Variants in GOSR1 observed in about 807,000 individuals in gnomAD.
The protein encoded by GOSR1 is 28 kDa Golgi SNARE protein.
A neutral mutation model predicts 35.5 loss-of-function variants in GOSR1; 21 were observed. The ratio of observed to expected loss-of-function variants is 0.59; its 90% confidence interval spans 0.42 to 0.85. The LOEUF is 0.85. GOSR1 is among the 40% of genes least tolerant of loss of function. The pLI is 0.00. For synonymous variants in GOSR1, 94 were observed against 106.6 expected, an observed-to-expected ratio of 0.88 and a Z score of 0.73; for missense variants, 285 against 309.6, an observed-to-expected ratio of 0.92 and a Z score of 0.60.
rs1304531539 is a variant in GOSR1, at chr17:30,513,232, A to G, written c.539+2323A>G. Among the ~76,000 whole-genome samples the G allele has an allele frequency of 3.9e-5, 6 of 152,214 alleles. No individual in the cohort carries two copies. The South Asian group carries it at 1.0e-3, about 26-fold the overall frequency. ...AAGAACTAGCATTTTTAACATTTAT[A>G]AATTCATTTCTAACCTTTAAATGTA... On this transcript the variant is annotated intron_variant, in intron 7 of 8. Transcript: ENST00000451249.
intron 8 of GOSR1, among the ~76,000 whole-genome samples, chr17:30,521,480 G>T (rs1288042437): frequency 6.6e-6 from 1 of 151,298 alleles, no homozygotes; most frequent in African/African-American, 2.4e-5. Context: ...ACCCTGCCCA[G>T]CCCAACACTA....
In GOSR1 at chr17:30,524,266, A is replaced by G. The variant is rs564336475; in HGVS notation, c.*1888A>G. Reference sequence around the variant, plus strand: ...CTTGTCCTCTTATTTTACACTCATAATGAGAAATCACAAGTTCTTTCTTGA... The same window carrying G: ...CTTGTCCTCTTATTTTACACTCATAGTGAGAAATCACAAGTTCTTTCTTGA... On this transcript the variant is annotated 3_prime_UTR_variant, in exon 9 of 9. Coordinates refer to ENST00000451249, the MANE Select transcript of GOSR1 (RefSeq NM_001007025.2). The G allele has an allele frequency of 7.9e-5, 12 of 152,358 alleles. No homozygotes were observed. Among genetic ancestry groups the G allele is most frequent in the Non-Finnish European group, 1.8e-4 (12 of 68,096 alleles). 9.4% of individuals were successfully genotyped at this position (152,358 alleles called of 1,614,324 possible).
At chr17:30,483,960 C>T (rs565263496) in intron 2 of GOSR1, among the ~76,000 whole-genome samples, 1 of 152,296 alleles carries the variant, frequency 6.6e-6, no homozygotes, top group East Asian at 1.9e-4. Flanking sequence ...GCTAGTTATC[C>T]AATCTGTGGA....
intron 6 of GOSR1, among the ~76,000 whole-genome samples, chr17:30,498,559 A>C (rs183200493): frequency 2.0e-5 from 3 of 152,350 alleles, no homozygotes. Flanking sequence ...TTCTTGAGGA[A>C]TGAGTAGGTG....
intron 6 of GOSR1, among the ~76,000 whole-genome samples, chr17:30,493,076 C>T (rs891904529): frequency 1.3e-5 from 2 of 151,954 alleles, no homozygotes; most frequent in South Asian, 2.1e-4. Context: ...TCACTGCAGC[C>T]GCTTGCCTCC....
rs1967625896 is a variant in GOSR1, at chr17:30,511,852, A to T, written c.539+943A>T. ...AGCCACATTTGTATTCTTACCATGG[A>T]TATTGGACCTGTGCTAAAAGTACTT... On this transcript the variant is annotated intron_variant, in intron 7 of 8. Transcript: ENST00000451249. Among the ~76,000 whole-genome samples, 3 of 152,164 alleles carry T rather than the reference A, an allele frequency of 2.0e-5. No homozygotes were observed. The South Asian group carries it at 6.2e-4, about 32-fold the overall frequency.
At chr17:30,489,471 C>T (rs1914885993) in intron 4 of GOSR1, among the ~76,000 whole-genome samples, 1 of 152,094 alleles carries the variant, frequency 6.6e-6, no homozygotes, top group African/African-American at 2.4e-5. Context: ...TTTTGTTTTC[C>T]TTTGTTTCAC....
At chr17:30,504,056 G>A (rs1481697623) in intron 6 of GOSR1, among the ~76,000 whole-genome samples, 12 of 147,042 alleles carry the variant, frequency 8.2e-5, no homozygotes, top group African/African-American at 2.8e-4. Context: ...AGTCAGGGTC[G>A]TGCTCTGTCG....
chr17:30,516,903 G>A (rs1967840100), intron 7 of GOSR1, among the ~76,000 whole-genome samples: 1 of 152,264 alleles, frequency 6.6e-6, no homozygotes, highest in East Asian at 1.9e-4. Flanking sequence ...TAGTAGAGAA[G>A]AGGTTTCACC....
chr17:30,507,815 TGAG>T (rs918742981), intron 6 of GOSR1, among the ~76,000 whole-genome samples: 3 of 150,296 alleles, frequency 2.0e-5, no homozygotes, highest in Non-Finnish European at 3.0e-5. Flanking sequence ...CGTAAACAGG[TGAG>T]GAGTTGATTT....
At chr17:30,507,500 ATCACCCGAGGTGAGGAG>A (rs1316764976) in intron 6 of GOSR1, among the ~76,000 whole-genome samples, 1 of 152,162 alleles carries the variant, frequency 6.6e-6, no homozygotes. Context: ...AGAGGAGCGG[ATCACCCGAGGTGAGGAG>A]TTTGAGACCA....
At chr17:30,508,745 T>TA (rs1467262064) in intron 6 of GOSR1, among the ~76,000 whole-genome samples, 5 of 150,674 alleles carry the variant, frequency 3.3e-5, no homozygotes, top group Middle Eastern at 6.8e-3. Flanking sequence ...ACTTGACACT[T>TA]ACTGTGTGCC....
intron 7 of GOSR1, among the ~76,000 whole-genome samples, chr17:30,511,693 C>T (rs1567913680): frequency 2.0e-5 from 3 of 152,030 alleles, no homozygotes; most frequent in African/African-American, 7.2e-5. Flanking sequence ...CCATGCCTGG[C>T]TAATTTTTTG....
At chr17:30,503,171 C>T (rs1406739154) in intron 6 of GOSR1, among the ~76,000 whole-genome samples, 2 of 152,150 alleles carry the variant, frequency 1.3e-5, no homozygotes, top group African/African-American at 2.4e-5. Flanking sequence ...GTGATTTTGC[C>T]AAGTTCTTAC....
intron 6 of GOSR1, among the ~76,000 whole-genome samples, chr17:30,503,097 A>G (rs1967275010): frequency 6.6e-6 from 1 of 152,146 alleles, no homozygotes; most frequent in Non-Finnish European, 1.5e-5. Flanking sequence ...TTTCTTATTT[A>G]GTTGCTTATT....
At chr17:30,505,074 T>G (rs1048697424) in intron 6 of GOSR1, among the ~76,000 whole-genome samples, 1 of 152,248 alleles carries the variant, frequency 6.6e-6, no homozygotes, top group Non-Finnish European at 1.5e-5. Flanking sequence ...GATTATCTGT[T>G]TTTTTAAATG....
intron 2 of GOSR1, among the ~76,000 whole-genome samples, chr17:30,483,340 A>G (rs2143616784): frequency 6.6e-6 from 1 of 152,292 alleles, no homozygotes; most frequent in South Asian, 2.1e-4. Flanking sequence ...GTGTTCATTC[A>G]TTTATTCAGC....
At chr17:30,505,618 TTA>T (rs1459730048) in intron 6 of GOSR1, among the ~76,000 whole-genome samples, 1 of 152,282 alleles carries the variant, frequency 6.6e-6, no homozygotes, top group African/African-American at 2.4e-5. Context: ...GTTTTCATTA[TTA>T]TCATATCTGT....
chr17:30,519,209 C>A (rs536171469), intron 7 of GOSR1, among the ~76,000 whole-genome samples: 13 of 152,162 alleles, frequency 8.5e-5, no homozygotes, highest in African/African-American at 2.9e-4. Context: ...TACAGGCACA[C>A]ATGTCTAGCT....
Sources: allele counts gnomAD v4.1 joint callset (sites outside exome capture counted in the v4.1 genomes callset), GRCh38; gene constraint gnomAD v4.1.1; transcripts MANE v1.5; gene names NCBI Gene and HGNC (gene_info 2026-07-23, HGNC 2026-07-21).